The following R3HDM1 variants were observed in gnomAD, a reference collection of about 807,000 sequenced individuals.
The protein encoded by R3HDM1 is R3H domain-containing protein 1.
A neutral mutation model predicts 141.1 loss-of-function variants in R3HDM1; 46 were observed. That is an observed-to-expected ratio of 0.33 (90% CI 0.26 to 0.42). The LOEUF (loss-of-function observed/expected upper bound fraction) is 0.42, where lower values mean the gene tolerates loss of function less well. Ranked by LOEUF, R3HDM1 falls within the 10% of genes least tolerant of loss-of-function variation. R3HDM1 has a pLI of 1.00. For synonymous variants in R3HDM1, 435 were observed against 472.9 expected, an observed-to-expected ratio of 0.92 and a Z score of 1.04; for missense variants, 1,184 against 1,368.3, an observed-to-expected ratio of 0.87 and a Z score of 2.12.
chr2:135,657,137 T>G (rs2066011089), intron 18 of R3HDM1, among the ~76,000 whole-genome samples: 1 of 151,390 alleles, frequency 6.6e-6, no homozygotes, highest in Non-Finnish European at 1.5e-5. Flanking sequence ...GCACAGTGGC[T>G]CAAGCTTGTA....
At chr2:135,675,172 T>G (rs1045842812) in intron 19 of R3HDM1, among the ~76,000 whole-genome samples, 160 bp from the exon 20 acceptor site, 6 of 152,212 alleles carry the variant, frequency 3.9e-5, no homozygotes, top group Non-Finnish European at 8.8e-5. Flanking sequence ...TGTAGGTAAC[T>G]TGGGCTAAAA....
At chr2:135,554,101 T>C (rs1384552270) in intron 1 of R3HDM1, among the ~76,000 whole-genome samples, 1 of 152,224 alleles carries the variant, frequency 6.6e-6, no homozygotes, top group African/African-American at 2.4e-5. Flanking sequence ...GTTATGCAAC[T>C]ATCACCATAT....
At chr2:135,693,177 G>T (rs771767664) in intron 21 of R3HDM1, among the ~76,000 whole-genome samples, 1 of 152,118 alleles carries the variant, frequency 6.6e-6, no homozygotes, top group African/African-American at 2.4e-5. Context: ...ATTTATTTTG[G>T]GTGGCAGATA....
intron 1 of R3HDM1, among the ~76,000 whole-genome samples, chr2:135,532,246 TAAAA>T (rs1695020792): frequency 6.6e-6 from 1 of 152,210 alleles, no homozygotes; most frequent in African/African-American, 2.4e-5. Flanking sequence ...ATGGGAATAT[TAAAA>T]AGAAAGTTGA....
intron 1 of R3HDM1, chr2:135,561,404 A>G: frequency 1.1e-6 from 1 of 881,500 alleles, no homozygotes; most frequent in Non-Finnish European, 1.4e-6. Flanking sequence ...AGAATAAAAT[A>G]GCAAATGACA....
chr2:135,536,981 T>C (rs1301000611), intron 1 of R3HDM1, among the ~76,000 whole-genome samples: 1 of 148,132 alleles, frequency 6.8e-6, no homozygotes, highest in Non-Finnish European at 1.5e-5. Flanking sequence ...CCTCACCGCC[T>C]GCACCATCTG....
chr2:135,568,944 C>G (rs1408394820), intron 1 of R3HDM1: 1 of 149,928 alleles, frequency 6.7e-6, no homozygotes, highest in African/African-American at 2.5e-5. Flanking sequence ...TCAGGAAATC[C>G]TGATCTTAAT....
intron 1 of R3HDM1, among the ~76,000 whole-genome samples, chr2:135,592,795 A>G (rs1243789813): frequency 6.6e-6 from 1 of 151,096 alleles, no homozygotes; most frequent in Non-Finnish European, 1.5e-5. Flanking sequence ...TTGCTGTGTC[A>G]TCCAGACTGG....
rs895781075 is a variant in R3HDM1 at position 135,645,593 on chromosome 2, C to T, written c.1623+66C>T. The T allele has an allele frequency of 3.9e-6, 6 of 1,532,838 alleles. No homozygotes were observed. In the African/African-American group the frequency reaches 8.2e-5, roughly 21 times the overall value. 95.0% of individuals were successfully genotyped at this position (1,532,838 alleles called of 1,614,324 possible). A position where few individuals can be genotyped will look rare whatever the true frequency, so the allele number is the denominator to read the frequency against. On this transcript the variant is annotated intron_variant, in intron 16 of 26. Transcript: ENST00000683871. Reference sequence around the variant, plus strand: ...CTTTACATATTTGGGACTAAATTCGCTAATTATAATTGAGATAGCCTAAGT... The same window carrying T: ...CTTTACATATTTGGGACTAAATTCGTTAATTATAATTGAGATAGCCTAAGT...
intron 1 of R3HDM1, among the ~76,000 whole-genome samples, chr2:135,576,119 T>G (rs1449222719): frequency 1.3e-5 from 2 of 152,144 alleles, no homozygotes; most frequent in Non-Finnish European, 2.9e-5. Context: ...TATCTTGGGC[T>G]GGGCTCAGTG....
At chr2:135,535,424 A>T (rs759392178) in intron 1 of R3HDM1, among the ~76,000 whole-genome samples, 7 of 151,986 alleles carry the variant, frequency 4.6e-5, no homozygotes, top group Non-Finnish European at 5.9e-5. Context: ...ACTTGAACTC[A>T]GGAGGTGGAG....
intron 2 of R3HDM1, among the ~76,000 whole-genome samples, chr2:135,604,468 C>A (rs943332024): frequency 2.0e-5 from 3 of 152,062 alleles, no homozygotes; most frequent in African/African-American, 7.2e-5. Context: ...AAAAAAAACA[C>A]ACTTATGTGT....
At chr2:135,608,790 C>G (rs2060287051) in intron 3 of R3HDM1, among the ~76,000 whole-genome samples, 1 of 152,056 alleles carries the variant, frequency 6.6e-6, no homozygotes, top group South Asian at 2.1e-4. Context: ...TTTGGATAAA[C>G]TATTATTTTT....
At chr2:135,628,712 C>T (rs770753122) in intron 7 of R3HDM1, among the ~76,000 whole-genome samples, 2 of 152,230 alleles carry the variant, frequency 1.3e-5, no homozygotes, top group African/African-American at 2.4e-5. Context: ...CAGCAACCTC[C>T]GCCTCCCGGG....
rs559987140 is a variant in R3HDM1, at chr2:135,638,763, T to C, written c.966T>C (p.Ser322=). The C allele has an allele frequency of 2.5e-6, 4 of 1,614,108 alleles. No homozygotes were observed. In the East Asian group the frequency reaches 8.9e-5, roughly 36 times the overall value. ...DKRLQDEDAS[S]TQQRRQIFRV... is the part of the protein sequence containing the mutation. ...GACTCCAAGACGAGGATGCCAGTAG[T>C]ACCCAGCAGAGGCGCCAGATATTTA... The change falls in exon 13 of 27, where the codon AGT becomes AGC. Residue 322 remains serine (S), a synonymous_variant. Transcript: ENST00000683871.
In R3HDM1 at chr2:135,577,156, G is replaced by T. The variant is rs1463136939; in HGVS notation, c.-249-25344G>T. 4 of 981,330 alleles carry T rather than the reference G, an allele frequency of 4.1e-6. No individual in the cohort carries two copies. The East Asian group carries it at 3.4e-4, about 84-fold the overall frequency. The allele number at this position is 981,330 out of a possible 1,614,324, so 60.8% of individuals were successfully genotyped here. A position where few individuals can be genotyped will look rare whatever the true frequency, so the allele number is the denominator to read the frequency against. On this transcript the variant is annotated intron_variant, in intron 1 of 26. Coordinates refer to ENST00000683871, the MANE Select transcript of R3HDM1 (RefSeq NM_001378107.1). ...TATTTAACCTTTGTGTATGAAAAAG[G>T]CTTTTGGGCTATGACTCAAAATGCA...
At chr2:135,699,632 G>A (rs2073951183) in intron 21 of R3HDM1, among the ~76,000 whole-genome samples, 1 of 152,140 alleles carries the variant, frequency 6.6e-6, no homozygotes, top group Non-Finnish European at 1.5e-5. Context: ...CAGAGTAGAA[G>A]AATGTTCTAA....
chr2:135,719,455 G>T (rs1220948792), intron 24 of R3HDM1, among the ~76,000 whole-genome samples: 1 of 151,662 alleles, frequency 6.6e-6, no homozygotes, highest in East Asian at 1.9e-4. Flanking sequence ...TCCAGCCTGT[G>T]TGACAGAGCA....
intron 20 of R3HDM1, among the ~76,000 whole-genome samples, chr2:135,679,916 C>G (rs2069935417): frequency 6.6e-6 from 1 of 152,100 alleles, no homozygotes; most frequent in Non-Finnish European, 1.5e-5. Flanking sequence ...CCCATCTCTA[C>G]TAAAAATACA....
Sources: allele counts gnomAD v4.1 joint callset (sites outside exome capture counted in the v4.1 genomes callset), GRCh38; gene constraint gnomAD v4.1.1; transcripts MANE v1.5; gene names NCBI Gene and HGNC (gene_info 2026-07-23, HGNC 2026-07-21).